The following NPTX1 variants were observed in gnomAD, a reference collection of about 807,000 sequenced individuals.
NPTX1 encodes neuronal pentraxin-1.
A neutral mutation model predicts 38.7 loss-of-function variants in NPTX1; 12 were observed. The observed-to-expected ratio is 0.31, with a 90% CI of 0.20 to 0.50. NPTX1 has a LOEUF of 0.50. Ranked by LOEUF, NPTX1 falls within the 20% of genes least tolerant of loss-of-function variation. The pLI, the probability that NPTX1 is intolerant of heterozygous loss-of-function variation, is 0.98. For missense variants in NPTX1, 454 were observed against 592.2 expected (o/e 0.77, Z 2.42); for synonymous variants, 272 against 264.9 (o/e 1.03, Z -0.26).
chr17:80,467,280 A>C lies in NPTX1; in HGVS notation c.*3533T>G, dbSNP rs556475575. Reference sequence around the variant, plus strand: ...TACATTTCCCATCGTTAGTTGAATAAATTTACACACTGTGTTTAAGAGATG... The same window carrying C: ...TACATTTCCCATCGTTAGTTGAATACATTTACACACTGTGTTTAAGAGATG... On this transcript the variant is annotated 3_prime_UTR_variant, in exon 5 of 5. Transcript: ENST00000306773. 1 of 152,712 alleles carries C rather than the reference A, an allele frequency of 6.5e-6. No individual in the cohort carries two copies. Among genetic ancestry groups the C allele is most frequent in the Non-Finnish European group, 1.5e-5 (1 of 68,018 alleles). 9.5% of individuals were successfully genotyped at this position (152,712 alleles called of 1,614,324 possible).
intron 2 of NPTX1, among the ~76,000 whole-genome samples, chr17:80,474,905 T>C (rs1248459208): frequency 6.7e-6 from 1 of 150,326 alleles, no homozygotes; most frequent in Non-Finnish European, 1.5e-5. Flanking sequence ...CTGGCCTGAG[T>C]TGGTGACTGA....
Position 80,476,203 on chromosome 17 carries a change from G to C in NPTX1, c.244C>G (p.Leu82Val), listed in dbSNP as rs577215316. ...TCGCAGCGGCCCAGCTTGGCGGTCA[G>C]CTCGCGGATGGTCTCCTTCTGGCTC... The part of the protein sequence containing the change: ...ILSQKETIRE[L>V]TAKLGRCESQ... The change falls in exon 1 of 5, where the codon CTG becomes GTG. Residue 82 changes from leucine to valine, a missense_variant. Coordinates refer to ENST00000306773, the MANE Select transcript of NPTX1 (RefSeq NM_002522.4). This position sits in a 1 kb window ranked among gnomAD's most constrained non-coding sequence, Gnocchi z 6.3. The C allele has an allele frequency of 6.3e-7, 1 of 1,576,010 alleles. No individual in the cohort carries two copies. The highest frequency in any genetic ancestry group is 1.1e-5 in the South Asian group (1 of 88,750).
In NPTX1 at chr17:80,470,780, G is replaced by A. The variant is rs369834621; in HGVS notation, c.*33C>T. 1.9e-4 allele frequency: 268 copies of A among 1,431,022 alleles called. No homozygotes were observed. In the African/African-American group the frequency reaches 3.2e-3, roughly 17 times the overall value. The allele number at this position is 1,431,022 out of a possible 1,614,324, so 88.6% of individuals were successfully genotyped here. A position where few individuals can be genotyped will look rare whatever the true frequency, so the allele number is the denominator to read the frequency against. ...GATCATCGCCGCACAAGCAGGGGGC[G>A]AGGGCGGGCGGGCTCAGCCTGGCCT... On this transcript the variant is annotated 3_prime_UTR_variant, in exon 5 of 5. Transcript: ENST00000306773.
Position 80,476,573 on chromosome 17 carries a change from G to C in NPTX1, c.-127C>G. 1 of 328,816 alleles carries C rather than the reference G, an allele frequency of 3.0e-6. No individual in the cohort carries two copies. Among genetic ancestry groups the C allele is most frequent in the Non-Finnish European group, 4.4e-6 (1 of 228,302 alleles). 20.4% of individuals were successfully genotyped at this position (328,816 alleles called of 1,614,324 possible). A position where few individuals can be genotyped will look rare whatever the true frequency, so the allele number is the denominator to read the frequency against. On this transcript the variant is annotated 5_prime_UTR_variant, in exon 1 of 5. Transcript: ENST00000306773. This position sits in a 1 kb window ranked among gnomAD's most constrained non-coding sequence, Gnocchi z 6.3. Reference sequence around the variant, plus strand: ...TGGGCGCCGCGCTCTTCGGCCGCGCGGTCCACACCGCCGCGCTATCAGGCC... The same window carrying C: ...TGGGCGCCGCGCTCTTCGGCCGCGCCGTCCACACCGCCGCGCTATCAGGCC...
chr17:80,476,387 G>A lies in NPTX1; in HGVS notation c.60C>T (p.Ala20=), dbSNP rs1347963088. The change falls in exon 1 of 5, where the codon GCC becomes GCT. Residue 20 remains alanine, a synonymous_variant. Transcript: ENST00000306773. The surrounding 1 kb of genome is among the most constrained non-coding windows in gnomAD (Gnocchi z 6.3). ...CALLALCLLG[A]GAQDFGPTRF... ...GCGTCGGCCCGAAATCCTGGGCCCC[G>A]GCGCCCAGGAGGCAGAGGGCGAGCA... 3 of 1,516,362 alleles carry A rather than the reference G, an allele frequency of 2.0e-6. No homozygotes were observed. The highest frequency in any genetic ancestry group is 2.0e-5 in the Admixed American group (1 of 48,794). The allele number at this position is 1,516,362 out of a possible 1,614,324, so 93.9% of individuals were successfully genotyped here.
At chr17:80,473,511 G>C in intron 2 of NPTX1, 67 bp from the exon 3 acceptor site, 1 of 1,535,198 alleles carries the variant, frequency 6.5e-7, no homozygotes, top group South Asian at 1.2e-5. Context: ...AGTTGAGTTC[G>C]GTCCCCACCA....
At chr17:80,473,616 A>AG in intron 2 of NPTX1, 172 bp from the exon 3 acceptor site, 2 of 650,914 alleles carry the variant, frequency 3.1e-6, no homozygotes, top group Non-Finnish European at 5.4e-6. Context: ...CCCAAGGCAC[A>AG]GGGCCAGTCT....
intron 3 of NPTX1, 80 bp downstream of exon 3, chr17:80,473,120 T>A: frequency 1.4e-5 from 21 of 1,483,924 alleles, no homozygotes; most frequent in East Asian, 5.2e-5. Context: ...GAGGCCACCA[T>A]AGCCCTGTCT....
Position 80,473,185 on chromosome 17 carries a change from C to CG in NPTX1, c.897+14dup, listed in dbSNP as rs1309224219. Reference sequence around the variant, plus strand: ...GCCTCGCCCTGCCGCCCTGTGAGCCCGGGGGCTGCTCTACCTTGTCATTGA... The same window carrying CG: ...GCCTCGCCCTGCCGCCCTGTGAGCCCGGGGGGCTGCTCTACCTTGTCATTGA... On this transcript the variant is annotated intron_variant, in intron 3 of 4. Coordinates refer to ENST00000306773, the MANE Select transcript of NPTX1 (RefSeq NM_002522.4). The CG allele has an allele frequency of 1.2e-6, 2 of 1,609,650 alleles. No homozygotes were observed. Among genetic ancestry groups the CG allele is most frequent in the Non-Finnish European group, 1.7e-6 (2 of 1,178,884 alleles).
chr17:80,471,671 C>G (rs2083842942), intron 4 of NPTX1, 61 bp downstream of exon 4: 2 of 1,559,472 alleles, frequency 1.3e-6, no homozygotes, highest in African/African-American at 2.7e-5. Flanking sequence ...TGCTCCTCTT[C>G]CCCTTCCCAG....
In NPTX1 at chr17:80,475,923, G is replaced by A; in HGVS notation, c.444+80C>T. On this transcript the variant is annotated intron_variant, in intron 1 of 4. Coordinates refer to ENST00000306773, the MANE Select transcript of NPTX1 (RefSeq NM_002522.4). This position sits in a 1 kb window ranked among gnomAD's most constrained non-coding sequence, Gnocchi z 6.5. ...CTGAGGCGAGGGCGGGGGATGCCTG[G>A]CCGGGTAGGGAACGGGGTGGGGGAG... 8.1e-7 allele frequency: 1 copy of A among 1,241,758 alleles called. No homozygotes were observed. The highest frequency in any genetic ancestry group is 1.1e-6 in the Non-Finnish European group (1 of 893,268). 76.9% of individuals were successfully genotyped at this position (1,241,758 alleles called of 1,614,324 possible).
rs369834621 is a variant in NPTX1, at chr17:80,470,780, G to C, written c.*33C>G. 2 of 1,431,022 alleles carry C rather than the reference G, an allele frequency of 1.4e-6. No homozygotes were observed. The highest frequency in any genetic ancestry group is 2.5e-5 in the South Asian group (2 of 81,042). The allele number at this position is 1,431,022 out of a possible 1,614,324, so 88.6% of individuals were successfully genotyped here. A position where few individuals can be genotyped will look rare whatever the true frequency, so the allele number is the denominator to read the frequency against. On this transcript the variant is annotated 3_prime_UTR_variant, in exon 5 of 5. Coordinates refer to ENST00000306773, the MANE Select transcript of NPTX1 (RefSeq NM_002522.4). ...GATCATCGCCGCACAAGCAGGGGGC[G>C]AGGGCGGGCGGGCTCAGCCTGGCCT...
At chr17:80,471,102 G>A (rs1049244343) in intron 4 of NPTX1, 68 bp from the exon 5 acceptor site, 29 of 1,249,410 alleles carry the variant, frequency 2.3e-5, no homozygotes, top group African/African-American at 1.8e-4. Flanking sequence ...TCCCTAGGCC[G>A]GGGATCTGAG....
Position 80,475,767 on chromosome 17 carries a change from G to A in NPTX1, c.445-49C>T. 7.0e-6 allele frequency: 10 copies of A among 1,435,980 alleles called. No individual in the cohort carries two copies. Among genetic ancestry groups the A allele is most frequent in the Non-Finnish European group, 8.7e-6 (9 of 1,036,866 alleles). 89.0% of individuals were successfully genotyped at this position (1,435,980 alleles called of 1,614,324 possible). On this transcript the variant is annotated intron_variant, in intron 1 of 4. Coordinates refer to ENST00000306773, the MANE Select transcript of NPTX1 (RefSeq NM_002522.4). This position sits in a 1 kb window ranked among gnomAD's most constrained non-coding sequence, Gnocchi z 6.5. ...AACCACACCGTTAGGCGAGGCGCGG[G>A]GACCGTGCTGGAAGGCCCGCGGCGC...
intron 3 of NPTX1, among the ~76,000 whole-genome samples, chr17:80,472,304 G>C (rs2083846767): frequency 6.6e-6 from 1 of 152,042 alleles, no homozygotes; most frequent in South Asian, 2.1e-4. Context: ...CTCCTTGCTG[G>C]CCTCTCCTCT....
At chr17:80,473,697 G>C (rs568238810) in intron 2 of NPTX1, 8 of 513,310 alleles carry the variant, frequency 1.6e-5, no homozygotes, top group African/African-American at 9.6e-5. Context: ...TGGCATCCTT[G>C]GGGAGATGGG....
intron 2 of NPTX1, 197 bp from the exon 3 acceptor site, chr17:80,473,641 C>A: frequency 1.7e-6 from 1 of 598,808 alleles, no homozygotes; most frequent in East Asian, 2.8e-5. Context: ...AGAGCTGACC[C>A]AAGCTCTTCA....
rs1476912304 is a variant in NPTX1, at chr17:80,475,546, G to C, written c.617C>G (p.Thr206Ser). The change falls in exon 2 of 5, where the codon ACC (threonine) becomes AGC (serine). Residue 206 changes from threonine to serine, a missense_variant. Physicochemically the swap from Thr to Ser is moderately conservative, Grantham distance 58. Around this residue, in one of 4 missense-constraint regions of NPTX1, gnomAD observed 288 missense variants for 318.4 expected, o/e 0.90. Coordinates refer to ENST00000306773, the MANE Select transcript of NPTX1 (RefSeq NM_002522.4). The surrounding 1 kb of genome is among the most constrained non-coding windows in gnomAD (Gnocchi z 6.5). ...EERVKIETAL[T>S]SLHQRISELE... ...CTCGCTGATCCGCTGGTGCAGGGAG[G>C]TCAGGGCGGTCTCGATCTTGACCCT... The C allele has an allele frequency of 6.2e-7, 1 of 1,612,768 alleles. No individual in the cohort carries two copies. Among genetic ancestry groups the C allele is most frequent in the East Asian group, 2.2e-5 (1 of 44,866 alleles).
chr17:80,475,950 G>T lies in NPTX1; in HGVS notation c.444+53C>A, dbSNP rs1286361130. The stretch of plus-strand genomic sequence containing the variant: ...CGGGTAGGGAACGGGGTGGGGGAGG[G>T]CAGAGGGGCGAGCGAGCCGGAGGGG... On this transcript the variant is annotated intron_variant, in intron 1 of 4. Coordinates refer to ENST00000306773, the MANE Select transcript of NPTX1 (RefSeq NM_002522.4). The surrounding 1 kb of genome is among the most constrained non-coding windows in gnomAD (Gnocchi z 6.5). 2 of 1,440,092 alleles carry T rather than the reference G, an allele frequency of 1.4e-6. No individual in the cohort carries two copies. The highest frequency in any genetic ancestry group is 1.9e-6 in the Non-Finnish European group (2 of 1,034,872). 89.2% of individuals were successfully genotyped at this position (1,440,092 alleles called of 1,614,324 possible).
Sources: allele counts gnomAD v4.1 joint callset (sites outside exome capture counted in the v4.1 genomes callset), GRCh38; gene constraint gnomAD v4.1.1; regional missense constraint gnomAD v4.1.1; non-coding constraint Gnocchi (gnomAD v3.1); transcripts MANE v1.5; gene names NCBI Gene and HGNC (gene_info 2026-07-23, HGNC 2026-07-21).